The following ARHGAP31 variants were observed in gnomAD, a reference collection of about 807,000 sequenced individuals.
The protein encoded by ARHGAP31 is rho GTPase-activating protein 31.
ARHGAP31 carries 34 observed loss-of-function variants against 113.9 expected under a neutral mutation model. The ratio of observed to expected loss-of-function variants is 0.30; its 90% CI spans 0.23 to 0.40. ARHGAP31 has a LOEUF of 0.40. Among genes scored for constraint, ARHGAP31 ranks in the 10% least tolerant of loss-of-function variants. The pLI is 1.00. For synonymous variants in ARHGAP31, 650 were observed against 684.8 expected (o/e 0.95, Z 0.79); for missense variants, 1,548 against 1,767.1 (o/e 0.88, Z 2.22).
At position 119,414,384 on chromosome 3, in the gene ARHGAP31, A is replaced by T. The variant is rs755464720; in HGVS notation, c.2455A>T (p.Ile819Leu). ...SSRKLRTDLY[I>L]DQLKSQDSPE... is the part of the protein sequence containing the mutation. ...CAGGAAATTGAGGACAGATCTCTAC[A>T]TAGACCAGCTGAAGTCCCAAGACAG... The change falls in exon 12 of 12, where the codon ATA becomes TTA. Residue 819 changes from isoleucine (I) to leucine (L), a missense_variant. By Grantham distance (5) the Ile-to-Leu change is conservative (BLOSUM62 2). Coordinates refer to ENST00000264245, the MANE Select transcript of ARHGAP31 (RefSeq NM_020754.4). The T allele has an allele frequency of 1.2e-6, 2 of 1,614,120 alleles. No individual in the cohort carries two copies. Among genetic ancestry groups the T allele is most frequent in the African/African-American group, 2.7e-5 (2 of 74,946 alleles).
chr3:119,353,680 C>G (rs114603882), intron 1 of ARHGAP31, among the ~76,000 whole-genome samples: 2 of 151,482 alleles, frequency 1.3e-5, no homozygotes, highest in Non-Finnish European at 2.9e-5. Context: ...CCCAGCTGCT[C>G]CAGAGGCTGA....
chr3:119,326,520 G>T (rs753299369), intron 1 of ARHGAP31, among the ~76,000 whole-genome samples: 2 of 152,144 alleles, frequency 1.3e-5, no homozygotes, highest in Non-Finnish European at 2.9e-5. Context: ...TGAGACAGAG[G>T]CCTAGAAGTG....
intron 6 of ARHGAP31, among the ~76,000 whole-genome samples, chr3:119,389,242 A>G (rs1437615065): frequency 6.6e-6 from 1 of 152,236 alleles, no homozygotes; most frequent in African/African-American, 2.4e-5. Context: ...AGCGGGCCTT[A>G]GTCCTAGGAG....
chr3:119,302,950 G>C (rs2079597840), intron 1 of ARHGAP31, among the ~76,000 whole-genome samples: 1 of 152,164 alleles, frequency 6.6e-6, no homozygotes, highest in South Asian at 2.1e-4. Context: ...AAACCTACCA[G>C]CTTTGAAGCC....
chr3:119,414,144 C>A lies in ARHGAP31; in HGVS notation c.2215C>A (p.Pro739Thr). ...TTCCACAGCAGCCAGCAGAGAGAAG[C>A]CGGAACCTGAGCAGGGCCTGCACCC... is the stretch of plus-strand genomic sequence containing the variant. ...GASTAASREK[P>T]EPEQGLHPDL... The change falls in exon 12 of 12, where the codon CCG becomes ACG. Residue 739 changes from proline (P) to threonine (T), a missense_variant. By Grantham distance (38) the Pro-to-Thr change is conservative (BLOSUM62 -1). Coordinates refer to ENST00000264245, the MANE Select transcript of ARHGAP31 (RefSeq NM_020754.4). 6.2e-7 allele frequency: 1 copy of A among 1,614,192 alleles called. No homozygotes were observed. Among genetic ancestry groups the A allele is most frequent in the East Asian group, 2.2e-5 (1 of 44,878 alleles).
intron 11 of ARHGAP31, among the ~76,000 whole-genome samples, chr3:119,412,379 A>G (rs780896468): frequency 6.8e-6 from 1 of 148,002 alleles, no homozygotes; most frequent in Admixed American, 6.8e-5. Flanking sequence ...CAAAAGTGAA[A>G]CTCTTTTGTC....
At chr3:119,358,164 C>T (rs1050040404) in intron 1 of ARHGAP31, among the ~76,000 whole-genome samples, 6 of 152,090 alleles carry the variant, frequency 3.9e-5, no homozygotes, top group Non-Finnish European at 8.8e-5. Context: ...GAAATCATAA[C>T]CCAGCAAAGA....
At position 119,294,784 on chromosome 3, in the gene ARHGAP31, C is replaced by T; in HGVS notation, c.-121C>T. Reference sequence around the variant, plus strand: ...GGGCCCCCAGCCCAAGTTCTTCCATCTTCCGATGCGGCCCCCCAGAGCCGC... The same window carrying T: ...GGGCCCCCAGCCCAAGTTCTTCCATTTTCCGATGCGGCCCCCCAGAGCCGC... On this transcript the variant is annotated 5_prime_UTR_variant, in exon 1 of 12. Coordinates refer to ENST00000264245, the MANE Select transcript of ARHGAP31 (RefSeq NM_020754.4). 2 of 950,074 alleles carry T rather than the reference C, an allele frequency of 2.1e-6. No homozygotes were observed. The highest frequency in any genetic ancestry group is 3.4e-6 in the Non-Finnish European group (2 of 594,204). 58.9% of individuals were successfully genotyped at this position (950,074 alleles called of 1,614,324 possible). A position where few individuals can be genotyped will look rare whatever the true frequency, so the allele number is the denominator to read the frequency against.
At chr3:119,401,771 T>A (rs1179497741) in intron 9 of ARHGAP31, 51 bp from the exon 10 acceptor site, 1 of 1,569,172 alleles carries the variant, frequency 6.4e-7, no homozygotes, top group Non-Finnish European at 8.8e-7. Context: ...GAAGGCCTGC[T>A]ATTGTATGTG....
chr3:119,323,008 G>A (rs1370481529), intron 1 of ARHGAP31, among the ~76,000 whole-genome samples: 1 of 152,218 alleles, frequency 6.6e-6, no homozygotes, highest in Non-Finnish European at 1.5e-5. Context: ...CCGGGCGCCC[G>A]CCCGGCGCTT....
At chr3:119,323,686 C>T (rs868019944) in intron 1 of ARHGAP31, among the ~76,000 whole-genome samples, 2 of 152,308 alleles carry the variant, frequency 1.3e-5, no homozygotes, top group East Asian at 3.9e-4. Context: ...TCCTCGTTAC[C>T]TGGGCTGTGG....
chr3:119,321,179 A>G (rs1018576122), intron 1 of ARHGAP31, among the ~76,000 whole-genome samples: 6 of 151,450 alleles, frequency 4.0e-5, no homozygotes, highest in Non-Finnish European at 7.4e-5. Context: ...TTGCAGAAAA[A>G]TCATTCAATT....
rs71156742 is a variant in ARHGAP31, at chr3:119,307,940, CAAAAAAA to C, written c.100+12950_100+12956del. On this transcript the variant is annotated intron_variant, in intron 1 of 11. Transcript: ENST00000264245. ...AGTGAATCCAAGTATGAATTAACAG[CAAAAAAA>C]AAAAAAAAAAAAAGCTCAATCTTAG... is the stretch of plus-strand genomic sequence containing the variant. Among the ~76,000 whole-genome samples, 551 of 45,482 alleles carry C rather than the reference CAAAAAAA, an allele frequency of 0.012. 53 individuals carry two copies. The Middle Eastern group carries it at 0.21, about 17-fold the overall frequency. 29.8% of individuals were successfully genotyped at this position (45,482 alleles called of 152,430 possible).
intron 1 of ARHGAP31, among the ~76,000 whole-genome samples, chr3:119,355,030 A>G (rs1413863328): frequency 2.0e-5 from 3 of 152,178 alleles, no homozygotes; most frequent in Non-Finnish European, 4.4e-5. Context: ...TCACACCTCC[A>G]AAGTTGCCAC....
chr3:119,395,936 G>A (rs1056943514), intron 8 of ARHGAP31, among the ~76,000 whole-genome samples: 1 of 152,146 alleles, frequency 6.6e-6, no homozygotes, highest in Non-Finnish European at 1.5e-5. Context: ...ATTCTTAAGG[G>A]AGAAACTGGG....
rs141494963 is a variant in ARHGAP31 at position 119,381,885 on chromosome 3, A to C, written c.432-407A>C. Among the ~76,000 whole-genome samples, 609 of 149,932 alleles carry C rather than the reference A, an allele frequency of 4.1e-3. 2 individuals are homozygous for C. Among genetic ancestry groups the C allele is most frequent in the Non-Finnish European group, 6.0e-3 (406 of 67,490 alleles). On this transcript the variant is annotated intron_variant, in intron 4 of 11. Transcript: ENST00000264245. Reference sequence around the variant, plus strand: ...CCTTTAGTTCCAGCTAGTGGGGAGGATGAGGCCAGAGAATGGCGTGAACCC... The same window carrying C: ...CCTTTAGTTCCAGCTAGTGGGGAGGCTGAGGCCAGAGAATGGCGTGAACCC...
intron 1 of ARHGAP31, among the ~76,000 whole-genome samples, chr3:119,336,343 T>G (rs1413654511): frequency 2.0e-5 from 3 of 152,228 alleles, no homozygotes; most frequent in Non-Finnish European, 4.4e-5. Flanking sequence ...TAGACTTTTC[T>G]CTACATATAA....
chr3:119,358,076 A>G (rs531949294), intron 1 of ARHGAP31, among the ~76,000 whole-genome samples: 1 of 152,366 alleles, frequency 6.6e-6, no homozygotes, highest in Non-Finnish European at 1.5e-5. Context: ...CAAGAAAGTG[A>G]AAAGACCACC....
At chr3:119,376,906 C>T (rs889280915) in intron 3 of ARHGAP31, among the ~76,000 whole-genome samples, 2 of 152,152 alleles carry the variant, frequency 1.3e-5, no homozygotes, top group African/African-American at 4.8e-5. Context: ...GTTTCAACAC[C>T]GAAAATCTCA....
Sources: allele counts gnomAD v4.1 joint callset (sites outside exome capture counted in the v4.1 genomes callset), GRCh38; gene constraint gnomAD v4.1.1; transcripts MANE v1.5; gene names NCBI Gene and HGNC (gene_info 2026-07-23, HGNC 2026-07-21).